The following SH3GL2 variants were observed in gnomAD, a reference collection of about 807,000 sequenced individuals.
The protein encoded by SH3GL2 is endophilin-A1.
In SH3GL2, 24 loss-of-function variants were observed where a neutral mutation model predicts 46.0. The ratio of observed to expected loss-of-function variants is 0.52; its 90% CI spans 0.38 to 0.73. The LOEUF (loss-of-function observed/expected upper bound fraction) is 0.73, where lower values mean the gene tolerates loss of function less well. SH3GL2 is among the 30% of genes least tolerant of loss of function. SH3GL2 has a pLI of 0.00. For missense variants in SH3GL2, 413 were observed against 424.2 expected, an observed-to-expected ratio of 0.97 and a Z score of 0.23; for synonymous variants, 196 against 147.1, an observed-to-expected ratio of 1.33 and a Z score of -2.40.
intron 3 of SH3GL2, among the ~76,000 whole-genome samples, chr9:17,762,529 C>G (rs976351507): frequency 6.6e-6 from 1 of 152,134 alleles, no homozygotes; most frequent in Non-Finnish European, 1.5e-5. Context: ...CACCTATGAC[C>G]AGCCCAGCTG....
intron 1 of SH3GL2, among the ~76,000 whole-genome samples, chr9:17,657,861 G>C (rs1037880734): frequency 6.6e-6 from 1 of 152,168 alleles, no homozygotes; most frequent in Admixed American, 6.5e-5. Context: ...TCTTATAGCA[G>C]AAGAAGTTGA....
chr9:17,713,972 G>A (rs1821689871), intron 1 of SH3GL2, among the ~76,000 whole-genome samples: 1 of 151,614 alleles, frequency 6.6e-6, no homozygotes, highest in Non-Finnish European at 1.5e-5. Context: ...TGAGAAAAGG[G>A]TACTGAAATC....
intron 7 of SH3GL2, among the ~76,000 whole-genome samples, chr9:17,792,775 T>A (rs2131194411): frequency 6.6e-6 from 1 of 152,264 alleles, no homozygotes; most frequent in Non-Finnish European, 1.5e-5. Flanking sequence ...CTTCCCACCT[T>A]CACCCACAAC....
chr9:17,689,603 T>G (rs1003305147), intron 1 of SH3GL2, among the ~76,000 whole-genome samples: 2 of 151,642 alleles, frequency 1.3e-5, no homozygotes, highest in Non-Finnish European at 2.9e-5. Flanking sequence ...TAGCCCCTCC[T>G]CCTTAGCACT....
chr9:17,772,613 G>A (rs187123129), intron 3 of SH3GL2, among the ~76,000 whole-genome samples: 1 of 152,128 alleles, frequency 6.6e-6, no homozygotes, highest in African/African-American at 2.4e-5. Context: ...TTTTGTGACG[G>A]CTTTATTTCA....
At chr9:17,612,625 G>C (rs934541789) in intron 1 of SH3GL2, among the ~76,000 whole-genome samples, 7 of 152,118 alleles carry the variant, frequency 4.6e-5, no homozygotes, top group African/African-American at 1.7e-4. Context: ...TGTAATTGTG[G>C]GAGTGTGTTC....
intron 1 of SH3GL2, among the ~76,000 whole-genome samples, chr9:17,598,789 C>T (rs574507627): frequency 6.6e-6 from 1 of 152,280 alleles, no homozygotes; most frequent in South Asian, 2.1e-4. Context: ...TTCTGCTGAT[C>T]TCTTGGGGTA....
intron 1 of SH3GL2, among the ~76,000 whole-genome samples, chr9:17,591,688 C>T (rs1448135188): frequency 1.3e-5 from 2 of 152,102 alleles, no homozygotes; most frequent in African/African-American, 4.8e-5. Context: ...CTTTTCGGGT[C>T]TCAAAGTTCA....
chr9:17,645,182 T>TTTTTTTTTTTTTTTTTA (rs1819781790), intron 1 of SH3GL2, among the ~76,000 whole-genome samples: 23 of 72,756 alleles, frequency 3.2e-4, no homozygotes, highest in South Asian at 5.7e-4. Context: ...TTTTTTTTTT[T>TTTTTTTTTTTTTTTTTA]GCTTTCCATT....
intron 1 of SH3GL2, among the ~76,000 whole-genome samples, chr9:17,591,744 A>G (rs773622490): frequency 6.6e-6 from 1 of 152,220 alleles, no homozygotes; most frequent in Non-Finnish European, 1.5e-5. Flanking sequence ...AGTTACTGAT[A>G]TAAAGCCTGG....
intron 3 of SH3GL2, among the ~76,000 whole-genome samples, chr9:17,778,472 C>T (rs1260976384): frequency 6.6e-6 from 1 of 151,990 alleles, no homozygotes; most frequent in Non-Finnish European, 1.5e-5. Flanking sequence ...CAATAAAGTG[C>T]CATGTTGGCT....
At chr9:17,642,428 A>C (rs189197584) in intron 1 of SH3GL2, among the ~76,000 whole-genome samples, 2 of 152,326 alleles carry the variant, frequency 1.3e-5, no homozygotes, top group African/African-American at 4.8e-5. Flanking sequence ...AAGGCTGCCC[A>C]TGCCTATGTC....
chr9:17,745,842 T>C (rs540106775), intron 1 of SH3GL2, among the ~76,000 whole-genome samples: 1 of 152,276 alleles, frequency 6.6e-6, no homozygotes, highest in African/African-American at 2.4e-5. Flanking sequence ...CTAGCTGCTA[T>C]TGAAGGAAAT....
chr9:17,655,358 G>A (rs1249615284), intron 1 of SH3GL2, among the ~76,000 whole-genome samples: 1 of 152,114 alleles, frequency 6.6e-6, no homozygotes, highest in Non-Finnish European at 1.5e-5. Flanking sequence ...GAAATTGGAT[G>A]TTTTACTACG....
At chr9:17,651,047 T>C (rs1196936146) in intron 1 of SH3GL2, among the ~76,000 whole-genome samples, 1 of 152,104 alleles carries the variant, frequency 6.6e-6, no homozygotes, top group South Asian at 2.1e-4. Flanking sequence ...GAGAGAGACA[T>C]AGAACACCTA....
chr9:17,725,406 A>C (rs1029457491), intron 1 of SH3GL2, among the ~76,000 whole-genome samples: 2 of 152,070 alleles, frequency 1.3e-5, no homozygotes, highest in Admixed American at 1.3e-4. Flanking sequence ...TACTGTTATC[A>C]TGAAGCTACC....
intron 1 of SH3GL2, among the ~76,000 whole-genome samples, chr9:17,623,012 T>G (rs371435342): frequency 2.3e-4 from 21 of 90,674 alleles, no homozygotes; most frequent in African/African-American, 7.6e-4. Context: ...TTTCCTTTCC[T>G]TTCCTTTCCT....
rs79710994 is a variant in SH3GL2 at position 17,653,476 on chromosome 9, G to A, written c.45+74189G>A. 9.1e-4 allele frequency among the ~76,000 whole-genome samples: 138 copies of A among 152,192 alleles called. 3 individuals are homozygous for A. In the East Asian group the frequency reaches 0.02, roughly 22 times the overall value. On this transcript the variant is annotated intron_variant, in intron 1 of 8. Coordinates refer to ENST00000380607, the MANE Select transcript of SH3GL2 (RefSeq NM_003026.5). ...TTTTGGCCAGGTTTTCTAAGATACT[G>A]TGTAGGTTGTTTGAGCTGTTGTCTT...
intron 1 of SH3GL2, among the ~76,000 whole-genome samples, chr9:17,685,833 C>T (rs1016188786): frequency 2.6e-5 from 4 of 152,082 alleles, no homozygotes; most frequent in East Asian, 3.9e-4. Context: ...CAGTACCATG[C>T]TGTTTTGGTT....
Sources: allele counts gnomAD v4.1 joint callset (sites outside exome capture counted in the v4.1 genomes callset), GRCh38; gene constraint gnomAD v4.1.1; transcripts MANE v1.5; gene names NCBI Gene and HGNC (gene_info 2026-07-23, HGNC 2026-07-21).